The following TRIM72 variants were observed in gnomAD, a reference collection of about 807,000 sequenced individuals.
TRIM72 encodes tripartite motif containing 72.
Under a neutral mutation model 31.6 loss-of-function variants are expected in TRIM72, and 33 were observed. The ratio of observed to expected loss-of-function variants is 1.04; its 90% CI spans 0.79 to 1.40. The LOEUF (loss-of-function observed/expected upper bound fraction) is 1.40, where lower values mean the gene tolerates loss of function less well. TRIM72 is among the 40% of genes most tolerant of loss of function. The probability of loss-of-function intolerance (pLI) is 0.00; values close to 1 mark genes in which losing one functional copy is unlikely to be tolerated. For missense variants in TRIM72, 666 were observed against 682.7 expected, an observed-to-expected ratio of 0.98 and a Z score of 0.27; for synonymous variants, 301 against 314.4, an observed-to-expected ratio of 0.96 and a Z score of 0.45.
rs2079559411 is a variant in TRIM72, at chr16:31,227,916, G to A, written c.*3161G>A. ...TTCCCAAAGTGTTGGGATTACAGGT[G>A]TGAGCCACTGAGCCCAGCCCAGCTT... On this transcript the variant is annotated 3_prime_UTR_variant, in exon 7 of 7. Transcript: ENST00000322122. The A allele has an allele frequency of 1.3e-5, 2 of 152,352 alleles. No homozygotes were observed. The highest frequency in any genetic ancestry group is 4.8e-5 in the African/African-American group (2 of 41,412). The allele number at this position is 152,352 out of a possible 1,614,324, so 9.4% of individuals were successfully genotyped here.
chr16:31,222,051 T>A (rs2079536640), intron 5 of TRIM72, among the ~76,000 whole-genome samples: 2 of 152,114 alleles, frequency 1.3e-5, no homozygotes, highest in African/African-American at 4.8e-5. Context: ...GTGTGCACAC[T>A]GGCGAAGCTG....
chr16:31,216,516 C>G lies in TRIM72; in HGVS notation c.390+1388C>G, dbSNP rs1292749807. ...CGAAGAAAGCACAGAACCCATGAAA[C>G]GGAACAGGGCCCAGGCAGCCCAGGA... On this transcript the variant is annotated intron_variant, in intron 2 of 6. Coordinates refer to ENST00000322122, the MANE Select transcript of TRIM72 (RefSeq NM_001008274.4). The surrounding 1 kb of genome is among the most constrained non-coding windows in gnomAD (Gnocchi z 6.7). The G allele has an allele frequency of 2.0e-6, 1 of 493,836 alleles. No individual in the cohort carries two copies. Among genetic ancestry groups the G allele is most frequent in the African/African-American group, 2.0e-5 (1 of 51,128 alleles). The allele number at this position is 493,836 out of a possible 1,614,324, so 30.6% of individuals were successfully genotyped here. A position where few individuals can be genotyped will look rare whatever the true frequency, so the allele number is the denominator to read the frequency against.
Position 31,216,943 on chromosome 16 carries a change from G to C in TRIM72, c.390+1815G>C. 1 of 1,614,172 alleles carries C rather than the reference G, an allele frequency of 6.2e-7. No homozygotes were observed. Among genetic ancestry groups the C allele is most frequent in the Non-Finnish European group, 8.5e-7 (1 of 1,180,038 alleles). Reference sequence around the variant, plus strand: ...CTCAAAGCCCTCGCGCAGCGGCACCGTCCCCAGCTTCATCTTGAACTTCTT... The same window carrying C: ...CTCAAAGCCCTCGCGCAGCGGCACCCTCCCCAGCTTCATCTTGAACTTCTT... On this transcript the variant is annotated intron_variant, in intron 2 of 6. Transcript: ENST00000322122. This position sits in a 1 kb window ranked among gnomAD's most constrained non-coding sequence, Gnocchi z 6.7.
rs1477202506 is a variant in TRIM72 at position 31,216,021 on chromosome 16, G to GGAGGAGGCGGGGTCTGGAGGC, written c.390+894_390+914dup. The stretch of plus-strand genomic sequence containing the variant: ...AGAATAAATGACAGGTGCAGGGGCT[G>GGAGGAGGCGGGGTCTGGAGGC]GAGGAGGCGGGGTCTGGAGGCACGG... On this transcript the variant is annotated intron_variant, in intron 2 of 6. Transcript: ENST00000322122. This position sits in a 1 kb window ranked among gnomAD's most constrained non-coding sequence, Gnocchi z 6.7. 6.6e-6 allele frequency: 1 copy of GGAGGAGGCGGGGTCTGGAGGC among 152,322 alleles called. No individual in the cohort carries two copies. The highest frequency in any genetic ancestry group is 1.5e-5 in the Non-Finnish European group (1 of 68,106). The allele number at this position is 152,322 out of a possible 1,614,324, so 9.4% of individuals were successfully genotyped here. A position where few individuals can be genotyped will look rare whatever the true frequency, so the allele number is the denominator to read the frequency against.
In TRIM72 at chr16:31,224,753, T is replaced by C. The variant is rs1567496394; in HGVS notation, c.1432T>C (p.Ter478ArgextTer14). 5.4e-6 allele frequency: 8 copies of C among 1,478,074 alleles called. No individual in the cohort carries two copies. Among genetic ancestry groups the C allele is most frequent in the Non-Finnish European group, 7.2e-6 (8 of 1,117,860 alleles). 91.6% of individuals were successfully genotyped at this position (1,478,074 alleles called of 1,614,324 possible). A position where few individuals can be genotyped will look rare whatever the true frequency, so the allele number is the denominator to read the frequency against. The change falls in exon 7 of 7, where the codon TGA becomes CGA. Residue 478 changes from the stop codon to arginine, a stop_lost. Transcript: ENST00000322122. ...LLVGPEGAEA[*>R] ...CGTGGGTCCCGAAGGCGCCGAGGCC[T>C]GAGCCGCCGGACGGGTAGTGGAGGG...
rs1416752281 is a variant in TRIM72, at chr16:31,225,644, T to G, written c.*889T>G. 1 of 56,696 alleles carries G rather than the reference T, an allele frequency of 1.8e-5. No individual in the cohort carries two copies. The highest frequency in any genetic ancestry group is 7.4e-5 in the African/African-American group (1 of 13,598). The allele number at this position is 56,696 out of a possible 1,614,324, so 3.5% of individuals were successfully genotyped here. A position where few individuals can be genotyped will look rare whatever the true frequency, so the allele number is the denominator to read the frequency against. The stretch of plus-strand genomic sequence containing the variant: ...AATGCTCATTTCTTTTTTTTATTTC[T>G]TTTTTTTTTTTTTTTTTTTTTTTTT... On this transcript the variant is annotated 3_prime_UTR_variant, in exon 7 of 7. Coordinates refer to ENST00000322122, the MANE Select transcript of TRIM72 (RefSeq NM_001008274.4).
chr16:31,216,816 G>T lies in TRIM72; in HGVS notation c.390+1688G>T, dbSNP rs2079511238. On this transcript the variant is annotated intron_variant, in intron 2 of 6. Transcript: ENST00000322122. This position sits in a 1 kb window ranked among gnomAD's most constrained non-coding sequence, Gnocchi z 6.7. ...CCAACATGCGCATGTCGCGCAGCAC[G>T]GCCACGACGAGCTCGGCTGCGTAGT... 3.1e-6 allele frequency: 5 copies of T among 1,612,334 alleles called. No homozygotes were observed. The highest frequency in any genetic ancestry group is 3.3e-5 in the Admixed American group (2 of 60,000).
rs1354414764 is a variant in TRIM72, at chr16:31,215,953, C to T, written c.390+825C>T. 1 of 152,210 alleles carries T rather than the reference C, an allele frequency of 6.6e-6. No individual in the cohort carries two copies. Among genetic ancestry groups the T allele is most frequent in the Non-Finnish European group, 1.5e-5 (1 of 68,042 alleles). The allele number at this position is 152,210 out of a possible 1,614,324, so 9.4% of individuals were successfully genotyped here. A position where few individuals can be genotyped will look rare whatever the true frequency, so the allele number is the denominator to read the frequency against. The stretch of plus-strand genomic sequence containing the variant: ...AGCTACCGGCGGGCACGTGTGCGCG[C>T]AGCCCCAGTAAAGTCTGCCATGAAT... On this transcript the variant is annotated intron_variant, in intron 2 of 6. Transcript: ENST00000322122. This position sits in a 1 kb window ranked among gnomAD's most constrained non-coding sequence, Gnocchi z 6.3.
At chr16:31,217,270 C>T in intron 2 of TRIM72, 2 of 549,488 alleles carry the variant, frequency 3.6e-6, no homozygotes, top group South Asian at 2.6e-5. Flanking sequence ...TGTTCCCAAT[C>T]TGCAGAGGAG....
chr16:31,219,316 G>A lies in TRIM72; in HGVS notation c.514G>A (p.Val172Met), dbSNP rs757959915. Residue 172 changes from valine to methionine, a missense_variant, in exon 4 of 7, where the codon GTG becomes ATG. Transcript: ENST00000322122. This position sits in a 1 kb window ranked among gnomAD's most constrained non-coding sequence, Gnocchi z 4.2. ...GACAGTGCGTCAGTTCCGGGGGGCC[G>A]TGGGGGAGCAGCTGGGCAAGATGCG... ...EETVRQFRGAVGEQLGKMRVF... is the reference protein window; with the variant it reads ...EETVRQFRGAMGEQLGKMRVF... 1 of 1,614,176 alleles carries A rather than the reference G, an allele frequency of 6.2e-7. No individual in the cohort carries two copies. Among genetic ancestry groups the A allele is most frequent in the Non-Finnish European group, 8.5e-7 (1 of 1,180,028 alleles).
In TRIM72 at chr16:31,216,772, TGCA is replaced by T; in HGVS notation, c.390+1647_390+1649del. Reference sequence around the variant, plus strand: ...TCAGAGTGGCCCTCACGCAGCCCGCTGCAGCCGTGCGGCCTCCTCCAACATGCG... The same window carrying T: ...TCAGAGTGGCCCTCACGCAGCCCGCTGCCGTGCGGCCTCCTCCAACATGCG... On this transcript the variant is annotated intron_variant, in intron 2 of 6. Transcript: ENST00000322122. This position sits in a 1 kb window ranked among gnomAD's most constrained non-coding sequence, Gnocchi z 6.7. 6.2e-7 allele frequency: 1 copy of T among 1,602,680 alleles called. No individual in the cohort carries two copies. Among genetic ancestry groups the T allele is most frequent in the Non-Finnish European group, 8.5e-7 (1 of 1,171,708 alleles).
rs1393209259 is a variant in TRIM72 at position 31,224,562 on chromosome 16, G to A, written c.1241G>A (p.Gly414Asp). Reference sequence around the variant, plus strand: ...CCCGAGAGGCGGCCCACGCGCATTGGCCTTTACCTGAGCTTCGGCGACGGC... The same window carrying A: ...CCCGAGAGGCGGCCCACGCGCATTGACCTTTACCTGAGCTTCGGCGACGGC... ...RSPERRPTRI[G>D]LYLSFGDGVL... The change falls in exon 7 of 7, where the codon GGC (glycine) becomes GAC (aspartate). Residue 414 changes from glycine to aspartate, a missense_variant. By Grantham distance (94) the Gly-to-Asp change is moderately conservative. Coordinates refer to ENST00000322122, the MANE Select transcript of TRIM72 (RefSeq NM_001008274.4). 6.5e-6 allele frequency: 10 copies of A among 1,546,352 alleles called. No homozygotes were observed. The highest frequency in any genetic ancestry group is 8.7e-6 in the Non-Finnish European group (10 of 1,151,230).
chr16:31,214,596 T>C (rs1466343505), intron 1 of TRIM72, 136 bp from the exon 2 acceptor site: 3 of 971,632 alleles, frequency 3.1e-6, no homozygotes, highest in African/African-American at 3.5e-5. Flanking sequence ...TCCCATCCAG[T>C]GTAGGATGTG....
chr16:31,217,039 T>C (rs773221445), intron 2 of TRIM72: 1 of 1,605,880 alleles, frequency 6.2e-7, no homozygotes, highest in South Asian at 1.1e-5. Context: ...GGCTCAGCCC[T>C]GCGCCTCTGA....
In TRIM72 at chr16:31,219,303, G is replaced by A; in HGVS notation, c.501G>A (p.Gln167=). The A allele has an allele frequency of 6.2e-7, 1 of 1,614,210 alleles. No homozygotes were observed. Among genetic ancestry groups the A allele is most frequent in the Non-Finnish European group, 8.5e-7 (1 of 1,180,034 alleles). ...CATCCCTGCAGGAGACAGTGCGTCA[G>A]TTCCGGGGGGCCGTGGGGGAGCAGC... ...QLVEVEETVR[Q]FRGAVGEQLG... Residue 167 remains glutamine (Q), a synonymous_variant, in exon 4 of 7, where the codon CAG becomes CAA. Coordinates refer to ENST00000322122, the MANE Select transcript of TRIM72 (RefSeq NM_001008274.4). The surrounding 1 kb of genome is among the most constrained non-coding windows in gnomAD (Gnocchi z 4.2).
In TRIM72 at chr16:31,222,888, A is replaced by G. The variant is rs1451062037; in HGVS notation, c.802A>G (p.Ile268Val). 1 of 1,550,406 alleles carries G rather than the reference A, an allele frequency of 6.4e-7. No homozygotes were observed. The highest frequency in any genetic ancestry group is 1.4e-5 in the African/African-American group (1 of 69,036). ...CCGTCTGGACATCCAGCTGCCAATT[A>G]TCTCAGATGACTTCAAATTCCAGGT... ...PARLDIQLPI[I>V]SDDFKFQVWR... The change falls in exon 6 of 7, where the codon ATC (isoleucine) becomes GTC (valine). Residue 268 changes from isoleucine to valine, a missense_variant. Coordinates refer to ENST00000322122, the MANE Select transcript of TRIM72 (RefSeq NM_001008274.4).
chr16:31,220,083 TCA>T (rs977959947), intron 4 of TRIM72, among the ~76,000 whole-genome samples: 3 of 149,522 alleles, frequency 2.0e-5, no homozygotes, highest in Non-Finnish European at 4.4e-5. Flanking sequence ...AGGCAGGGTC[TCA>T]CTCTGTCACC....
chr16:31,228,768 G>A lies in TRIM72; in HGVS notation c.*4013G>A, dbSNP rs1041630671. Reference sequence around the variant, plus strand: ...TTCATTTTTATTTGTATTTTTAGTAGAGGCGGGGTTTTGCCATGTTGGCCA... The same window carrying A: ...TTCATTTTTATTTGTATTTTTAGTAAAGGCGGGGTTTTGCCATGTTGGCCA... On this transcript the variant is annotated 3_prime_UTR_variant, in exon 7 of 7. Transcript: ENST00000322122. 1 of 152,050 alleles carries A rather than the reference G, an allele frequency of 6.6e-6. No individual in the cohort carries two copies. Among genetic ancestry groups the A allele is most frequent in the Non-Finnish European group, 1.5e-5 (1 of 68,058 alleles). The allele number at this position is 152,050 out of a possible 1,614,324, so 9.4% of individuals were successfully genotyped here.
In TRIM72 at chr16:31,228,457, C is replaced by T. The variant is rs941803118; in HGVS notation, c.*3702C>T. On this transcript the variant is annotated 3_prime_UTR_variant, in exon 7 of 7. Coordinates refer to ENST00000322122, the MANE Select transcript of TRIM72 (RefSeq NM_001008274.4). ...ACCTGTGGTCTCCTGTGTTGCTCCT[C>T]ACCCTGTAGACTGTGGGCTGTGGGC... 6.6e-6 allele frequency: 1 copy of T among 152,344 alleles called. No homozygotes were observed. The highest frequency in any genetic ancestry group is 1.5e-5 in the Non-Finnish European group (1 of 68,208). The allele number at this position is 152,344 out of a possible 1,614,324, so 9.4% of individuals were successfully genotyped here.
Sources: gnomAD v4.1 joint callset for allele counts (sites outside exome capture counted in the v4.1 genomes callset) on GRCh38, gnomAD v4.1.1 for gene constraint, Gnocchi (gnomAD v3.1) non-coding constraint, MANE v1.5 for transcripts, NCBI Gene and HGNC (gene_info 2026-07-23, HGNC 2026-07-21) for gene names.